The following TNRC6A variants were observed in gnomAD, a reference collection of about 807,000 sequenced individuals.
TNRC6A encodes trinucleotide repeat containing adaptor 6A, also known as trinucleotide repeat-containing gene 6A protein.
In TNRC6A, 44 loss-of-function variants were observed where a neutral mutation model predicts 221.2. The ratio of observed to expected loss-of-function variants is 0.20; its 90% CI spans 0.16 to 0.26. The LOEUF is 0.26. Ranked by LOEUF, TNRC6A falls within the 10% of genes least tolerant of loss-of-function variation. The pLI, the probability that TNRC6A is intolerant of heterozygous loss-of-function variation, is 1.00. For synonymous variants in TNRC6A, 847 were observed against 838.5 expected (o/e 1.01, Z -0.18); for missense variants, 2,199 against 2,404.4 (o/e 0.91, Z 1.79).
At chr16:24,763,322 T>C (rs1439010224) in intron 4 of TNRC6A, among the ~76,000 whole-genome samples, 1 of 152,240 alleles carries the variant, frequency 6.6e-6, no homozygotes, top group Non-Finnish European at 1.5e-5. Flanking sequence ...GAGGACCCTT[T>C]CTGAAGGGCT....
chr16:24,808,312 G>A (rs2058475687), intron 17 of TNRC6A, among the ~76,000 whole-genome samples: 1 of 152,248 alleles, frequency 6.6e-6, no homozygotes, highest in South Asian at 2.1e-4. Flanking sequence ...AAGAAAGTCT[G>A]CTTAGCCCAT....
intron 2 of TNRC6A, among the ~76,000 whole-genome samples, chr16:24,750,355 T>C (rs1426900467): frequency 2.0e-5 from 3 of 152,186 alleles, no homozygotes; most frequent in Admixed American, 2.0e-4. Context: ...TCTCAGGCAT[T>C]GCCATTAGCT....
upstream of TNRC6A, among the ~76,000 whole-genome samples, chr16:24,728,561 T>C (rs2056532899): frequency 6.6e-6 from 1 of 152,098 alleles, no homozygotes; most frequent in African/African-American, 2.4e-5. Context: ...GTAAAGGTTA[T>C]AGATTTTAAG....
intron 2 of TNRC6A, among the ~76,000 whole-genome samples, chr16:24,677,802 T>A (rs1485883826): frequency 6.6e-6 from 1 of 152,210 alleles, no homozygotes; most frequent in African/African-American, 2.4e-5. Flanking sequence ...GTTGGACGAA[T>A]GAATAATCGT....
intron 2 of TNRC6A, among the ~76,000 whole-genome samples, chr16:24,731,189 T>C (rs2056631624): frequency 2.0e-5 from 3 of 152,188 alleles, no homozygotes; most frequent in Admixed American, 1.3e-4. Flanking sequence ...AATCCGTGAA[T>C]AGCTTTCTTT....
At chr16:24,714,722 A>G (rs1250834611) in intron 2 of TNRC6A, among the ~76,000 whole-genome samples, 1 of 152,056 alleles carries the variant, frequency 6.6e-6, no homozygotes, top group Non-Finnish European at 1.5e-5. Context: ...AACTTTTAGG[A>G]TATATGAAAT....
At chr16:24,666,490 A>G (rs2055164815) in intron 2 of TNRC6A, among the ~76,000 whole-genome samples, 1 of 142,052 alleles carries the variant, frequency 7.0e-6, no homozygotes, top group Admixed American at 7.2e-5. Flanking sequence ...AAAAAAAAAA[A>G]TTAGATGGGC....
At position 24,730,213 on chromosome 16, in the gene TNRC6A, G is replaced by A. The variant is rs376956688; in HGVS notation, c.6-40G>A. 7.6e-6 allele frequency: 12 copies of A among 1,581,198 alleles called. No individual in the cohort carries two copies. In the African/African-American group the frequency reaches 1.6e-4, roughly 22 times the overall value. On this transcript the variant is annotated intron_variant, in intron 1 of 24. Coordinates refer to ENST00000395799, the MANE Select transcript of TNRC6A (RefSeq NM_014494.4). ...TCACGCGCATCTCGTTTTTGTGTGT[G>A]TGTTTTTGTTTTGTTTTTGTTTTTG...
chr16:24,810,753 G>T (rs966387042), intron 18 of TNRC6A, among the ~76,000 whole-genome samples: 1 of 152,166 alleles, frequency 6.6e-6, no homozygotes, highest in Non-Finnish European at 1.5e-5. Context: ...GAAAACTTGT[G>T]CCAAGAATGA....
chr16:24,747,174 GT>G (rs2057031164), intron 2 of TNRC6A, among the ~76,000 whole-genome samples: 1 of 152,200 alleles, frequency 6.6e-6, no homozygotes, highest in African/African-American at 2.4e-5. Context: ...TTTACATACA[GT>G]AAAATTCAAA....
intron 22 of TNRC6A, among the ~76,000 whole-genome samples, 162 bp downstream of exon 22, chr16:24,820,522 A>G (rs2058747246): frequency 6.6e-6 from 1 of 152,236 alleles, no homozygotes; most frequent in Admixed American, 6.5e-5. Flanking sequence ...AAGGCACACA[A>G]CAGGCTGCAA....
chr16:24,804,457 G>A, intron 12 of TNRC6A, 138 bp downstream of exon 12: 1 of 1,171,584 alleles, frequency 8.5e-7, no homozygotes, highest in Non-Finnish European at 1.2e-6. Context: ...GGATTTTGAA[G>A]TTCACTGTCT....
chr16:24,723,331 T>C (rs2056443074), intron 2 of TNRC6A, among the ~76,000 whole-genome samples: 1 of 152,086 alleles, frequency 6.6e-6, no homozygotes, highest in Admixed American at 6.6e-5. Context: ...CAGTGGCTCA[T>C]GCCTGTAATC....
At chr16:24,663,879 A>C (rs923830623) in intron 2 of TNRC6A, 42 of 455,806 alleles carry the variant, frequency 9.2e-5, no homozygotes, top group African/African-American at 8.2e-4. Flanking sequence ...CCCCAGATAT[A>C]CAGAAGCCCT....
Position 24,773,732 on chromosome 16 carries a change from G to GT in TNRC6A, c.164-3193dup, listed in dbSNP as rs561033697. Among the ~76,000 whole-genome samples, 42 of 151,490 alleles carry GT rather than the reference G, an allele frequency of 2.8e-4. No individual in the cohort carries two copies. The East Asian group carries it at 2.9e-3, about 11-fold the overall frequency. On this transcript the variant is annotated intron_variant, in intron 4 of 24. Coordinates refer to ENST00000395799, the MANE Select transcript of TNRC6A (RefSeq NM_014494.4). ...CTTAATTGCTCATATCTTTTTAGTT[G>GT]TTTTTTTTATTATGAATATGAAATT... is the stretch of plus-strand genomic sequence containing the variant.
chr16:24,797,773 A>G (rs892934766), intron 10 of TNRC6A, 142 bp from the exon 11 acceptor site: 6 of 878,306 alleles, frequency 6.8e-6, no homozygotes, highest in Non-Finnish European at 1.0e-5. Context: ...AACATTTTAA[A>G]AATTACATTA....
At chr16:24,814,067 A>T (rs906578650) in intron 18 of TNRC6A, among the ~76,000 whole-genome samples, 3 of 152,228 alleles carry the variant, frequency 2.0e-5, no homozygotes, top group Non-Finnish European at 4.4e-5. Context: ...TGAGGATGCC[A>T]GAGCCAGAGG....
chr16:24,653,965 C>G (rs191448072), intron 2 of TNRC6A, among the ~76,000 whole-genome samples: 1 of 152,112 alleles, frequency 6.6e-6, no homozygotes, highest in Non-Finnish European at 1.5e-5. Context: ...GGTGCAGTGG[C>G]GCAATCATAG....
rs1196888634 is a variant in TNRC6A at position 24,730,244 on chromosome 16, T to C, written c.6-9T>C. Reference sequence around the variant, plus strand: ...TTGTTTTGTTTTTGTTTTTGTTTTTTTGTTTCAGAGAATTGGAAGCTAAAG... The same window carrying C: ...TTGTTTTGTTTTTGTTTTTGTTTTTCTGTTTCAGAGAATTGGAAGCTAAAG... On this transcript the variant is annotated splice_polypyrimidine_tract_variant and intron_variant, in intron 1 of 24. Transcript: ENST00000395799. 1 of 1,602,104 alleles carries C rather than the reference T, an allele frequency of 6.2e-7. No individual in the cohort carries two copies. The highest frequency in any genetic ancestry group is 8.5e-7 in the Non-Finnish European group (1 of 1,176,866).
Sources: gnomAD v4.1 joint callset for allele counts (sites outside exome capture counted in the v4.1 genomes callset) on GRCh38, gnomAD v4.1.1 for gene constraint, MANE v1.5 for transcripts, NCBI Gene and HGNC (gene_info 2026-07-23, HGNC 2026-07-21) for gene names.